Variants in UNC13B observed in about 807,000 individuals in gnomAD.
UNC13B encodes the protein unc-13 homolog B, also known as protein unc-13 homolog B.
UNC13B carries 144 observed loss-of-function variants against 211.0 expected under a neutral mutation model. The ratio of observed to expected loss-of-function variants is 0.68; its 90% confidence interval spans 0.60 to 0.78. The LOEUF (loss-of-function observed/expected upper bound fraction) is 0.78, where lower values mean the gene tolerates loss of function less well. UNC13B is among the 30% of genes least tolerant of loss of function. The probability of loss-of-function intolerance (pLI) is 0.00; values close to 1 mark genes in which losing one functional copy is unlikely to be tolerated. For missense variants in UNC13B, 1,777 were observed against 2,002.0 expected (o/e 0.89, Z 2.14); for synonymous variants, 709 against 725.8 (o/e 0.98, Z 0.37).
intron 1 of UNC13B, among the ~76,000 whole-genome samples, chr9:35,178,944 C>G (rs1821788602): frequency 6.9e-6 from 1 of 144,906 alleles, no homozygotes; most frequent in South Asian, 2.2e-4. Context: ...CAATGAAATA[C>G]TGAAGCTAAC....
intron 1 of UNC13B, 76 bp from the exon 2 acceptor site, chr9:35,227,939 T>G: frequency 8.0e-7 from 1 of 1,248,552 alleles, no homozygotes; most frequent in Non-Finnish European, 1.2e-6. Context: ...CATTGGTATG[T>G]AGTGCCTAAT....
chr9:35,280,565 A>G (rs763423701), intron 7 of UNC13B, among the ~76,000 whole-genome samples: 1 of 152,146 alleles, frequency 6.6e-6, no homozygotes, highest in Non-Finnish European at 1.5e-5. Context: ...AGGCAGTGCA[A>G]TGGGTCTAGG....
At chr9:35,354,539 A>G (rs1036357336) in intron 11 of UNC13B, among the ~76,000 whole-genome samples, 16 of 152,144 alleles carry the variant, frequency 1.1e-4, no homozygotes, top group African/African-American at 1.9e-4. Flanking sequence ...TGGCAAATGG[A>G]ATGTTTTTTG....
At chr9:35,280,227 C>T (rs1429491725) in intron 7 of UNC13B, among the ~76,000 whole-genome samples, 2 of 151,988 alleles carry the variant, frequency 1.3e-5, no homozygotes, top group African/African-American at 2.4e-5. Flanking sequence ...AGATGAGTTT[C>T]GAGATGACTT....
At chr9:35,295,596 T>C (rs1829312366) in intron 7 of UNC13B, 100 bp from the exon 8 acceptor site, 10 of 1,154,278 alleles carry the variant, frequency 8.7e-6, no homozygotes, top group Non-Finnish European at 1.1e-5. Flanking sequence ...TTGCTTTTGT[T>C]CTCAAGGTCC....
At chr9:35,269,312 C>T (rs1827748294) in intron 7 of UNC13B, among the ~76,000 whole-genome samples, 1 of 152,148 alleles carries the variant, frequency 6.6e-6, no homozygotes, top group African/African-American at 2.4e-5. Flanking sequence ...AGGATACAAA[C>T]AAATAGCCAG....
intron 11 of UNC13B, among the ~76,000 whole-genome samples, chr9:35,362,268 G>T (rs1272392737): frequency 6.6e-6 from 1 of 152,152 alleles, no homozygotes; most frequent in Non-Finnish European, 1.5e-5. Flanking sequence ...GAGAGGGAGA[G>T]ATCCATTGTC....
chr9:35,272,110 TA>T (rs879695996), intron 7 of UNC13B, among the ~76,000 whole-genome samples: 2 of 151,912 alleles, frequency 1.3e-5, no homozygotes, highest in Admixed American at 1.3e-4. Flanking sequence ...GTATAAGTTC[TA>T]AAAAATAGGA....
intron 5 of UNC13B, among the ~76,000 whole-genome samples, chr9:35,241,669 A>G (rs914431904): frequency 9.2e-5 from 14 of 151,898 alleles, no homozygotes; most frequent in African/African-American, 3.4e-4. Context: ...TTTTGCACTT[A>G]GTATATCTTG....
rs1587401999 is a variant in UNC13B at position 35,220,789 on chromosome 9, A to T, written c.23-7226A>T. ...GGTATATACCTAGCATTGGGATTGC[A>T]GGATCATATCGTAGCTCTATTTTTA... is the stretch of plus-strand genomic sequence containing the variant. On this transcript the variant is annotated intron_variant, in intron 1 of 39. Transcript: ENST00000635942. 2.0e-5 allele frequency among the ~76,000 whole-genome samples: 3 copies of T among 152,274 alleles called. No individual in the cohort carries two copies. The Middle Eastern group carries it at 0.01, about 518-fold the overall frequency.
chr9:35,364,484 A>C (rs765149367), intron 11 of UNC13B: 3 of 1,523,456 alleles, frequency 2.0e-6, no homozygotes, highest in African/African-American at 1.4e-5. Context: ...TGGGTTCCCT[A>C]CTTATAGGAC....
rs981437122 is a variant in UNC13B at position 35,352,277 on chromosome 9, A to G, written c.9415-14670A>G. 5 of 1,232,096 alleles carry G rather than the reference A, an allele frequency of 4.1e-6. No individual in the cohort carries two copies. In the African/African-American group the frequency reaches 4.7e-5, roughly 11 times the overall value. 76.3% of individuals were successfully genotyped at this position (1,232,096 alleles called of 1,614,324 possible). On this transcript the variant is annotated intron_variant, in intron 11 of 39. Transcript: ENST00000635942. ...AGCCAAGCACCTTTGTGTTAATGGC[A>G]TGCAGTGCAACAGGTACATTAAAAA... is the stretch of plus-strand genomic sequence containing the variant.
rs576519502 is a variant in UNC13B, at chr9:35,260,080, TGTGCCTGTA to T, written c.526+1033_526+1041del. 6.3e-3 allele frequency among the ~76,000 whole-genome samples: 838 copies of T among 132,244 alleles called. 8 individuals are homozygous for T. Among genetic ancestry groups the T allele is most frequent in the Non-Finnish European group, 9.4e-3 (598 of 63,884 alleles). 86.8% of individuals were successfully genotyped at this position (132,244 alleles called of 152,430 possible). ...AAAAAAAAAACCAAGTGTGATGGCA[TGTGCCTGTA>T]GTCCCAGATACTTGGGAGGCTGAGG... On this transcript the variant is annotated intron_variant, in intron 7 of 39. Coordinates refer to ENST00000635942, the MANE Select transcript of UNC13B (RefSeq NM_001371189.2).
chr9:35,327,167 G>A (rs1247827614), intron 11 of UNC13B, among the ~76,000 whole-genome samples: 1 of 152,112 alleles, frequency 6.6e-6, no homozygotes, highest in East Asian at 1.9e-4. Context: ...TTTTTTCTAG[G>A]GTGTGGAAGT....
chr9:35,198,121 T>C (rs1173151293), intron 1 of UNC13B, among the ~76,000 whole-genome samples: 1 of 152,138 alleles, frequency 6.6e-6, no homozygotes, highest in African/African-American at 2.4e-5. Flanking sequence ...TCAAGCATAT[T>C]GATAGGATTT....
At chr9:35,248,502 A>C (rs1444308476) in intron 6 of UNC13B, among the ~76,000 whole-genome samples, 1 of 151,346 alleles carries the variant, frequency 6.6e-6, no homozygotes, top group Non-Finnish European at 1.5e-5. Context: ...TAGTGCTATA[A>C]ATTTCCCTCT....
rs528405253 is a variant in UNC13B at position 35,405,243 on chromosome 9, C to A, written c.*1210C>A. 2.0e-5 allele frequency: 3 copies of A among 152,750 alleles called. No homozygotes were observed. In the South Asian group the frequency reaches 6.2e-4, roughly 32 times the overall value. 9.5% of individuals were successfully genotyped at this position (152,750 alleles called of 1,614,324 possible). ...CAGATGTACTGGCCATTACATGAAA[C>A]AAGAAACCAAGCATCTTTGCTGTTG... is the stretch of plus-strand genomic sequence containing the variant. On this transcript the variant is annotated 3_prime_UTR_variant, in exon 40 of 40. Transcript: ENST00000635942.
intron 30 of UNC13B, among the ~76,000 whole-genome samples, chr9:35,397,954 A>G: frequency 6.6e-6 from 1 of 152,252 alleles, no homozygotes; most frequent in South Asian, 2.1e-4. Flanking sequence ...TAATATATAT[A>G]TAAAAACTTT....
At chr9:35,167,648 C>T (rs1412679862) in intron 1 of UNC13B, among the ~76,000 whole-genome samples, 8 of 131,194 alleles carry the variant, frequency 6.1e-5, no homozygotes, top group South Asian at 4.8e-4. Flanking sequence ...AGTGCAGTGG[C>T]GCCCTCTCTG....
Sources: gnomAD v4.1 joint callset for allele counts (sites outside exome capture counted in the v4.1 genomes callset) on GRCh38, gnomAD v4.1.1 for gene constraint, MANE v1.5 for transcripts, NCBI Gene and HGNC (gene_info 2026-07-23, HGNC 2026-07-21) for gene names.